The following ADGRL2 variants were observed in gnomAD, a reference collection of about 807,000 sequenced individuals.
The protein encoded by ADGRL2 is adhesion G protein-coupled receptor L2.
In ADGRL2, 44 loss-of-function variants were observed where a neutral mutation model predicts 157.4. That is an observed-to-expected ratio of 0.28 (90% CI 0.22 to 0.36). The LOEUF is 0.36. Ranked by LOEUF, ADGRL2 falls within the 10% of genes least tolerant of loss-of-function variation. The probability of loss-of-function intolerance (pLI) is 1.00; values close to 1 mark genes in which losing one functional copy is unlikely to be tolerated. For synonymous variants in ADGRL2, 585 were observed against 624.7 expected (o/e 0.94, Z 0.95); for missense variants, 1,510 against 1,768.9 (o/e 0.85, Z 2.63).
chr1:81,434,210 C>T, intron 1 of ADGRL2, among the ~76,000 whole-genome samples: 1 of 152,100 alleles, frequency 6.6e-6, no homozygotes, highest in East Asian at 1.9e-4. Flanking sequence ...CCCTGATCTA[C>T]CACAAATACA....
intron 2 of ADGRL2, among the ~76,000 whole-genome samples, chr1:81,541,734 G>A (rs1472776980): frequency 6.6e-6 from 1 of 151,398 alleles, no homozygotes; most frequent in Non-Finnish European, 1.5e-5. Context: ...CAGATCACCT[G>A]AGGTCAGGAG....
intron 1 of ADGRL2, among the ~76,000 whole-genome samples, chr1:81,729,091 A>T (rs1446843491): frequency 2.0e-5 from 3 of 150,112 alleles, no homozygotes; most frequent in Non-Finnish European, 4.4e-5. Context: ...AAGAATTATT[A>T]TATAATATTT....
intron 2 of ADGRL2, among the ~76,000 whole-genome samples, chr1:81,488,011 A>G (rs9425192): frequency 0.15 from 22,273 of 152,220 alleles, 3,026 homozygotes; most frequent in African/African-American, 0.36. Context: ...TTCTAGTCAC[A>G]AAGTGCAGAC....
chr1:81,964,802 AAGAATACAG>A lies in ADGRL2; in HGVS notation c.2018-1254_2018-1246del, dbSNP rs1285842581. On this transcript the variant is annotated intron_variant, in intron 11 of 23. Transcript: ENST00000686636. ...TGGACTGTATTTTTTGAACTTTTTT[AAGAATACAG>A]ATTATTTTTAAAATTTCAATATCAG... Among the ~76,000 whole-genome samples, 10 of 152,226 alleles carry A rather than the reference AAGAATACAG, an allele frequency of 6.6e-5. No individual in the cohort carries two copies. The East Asian group carries it at 1.9e-3, about 29-fold the overall frequency.
Position 81,578,100 on chromosome 1 carries a change from C to T in ADGRL2, c.-247-2776C>T, listed in dbSNP as rs570931219. On this transcript the variant is annotated intron_variant, in intron 2 of 24. Coordinates refer to the ADGRL2 transcript ENST00000370721. The stretch of plus-strand genomic sequence containing the variant: ...AAGCACCATTAAAACCTTGAAATTG[C>T]ACAGTGACTTAGAAAACAACAAGTT... 1.1e-4 allele frequency among the ~76,000 whole-genome samples: 17 copies of T among 152,218 alleles called. No homozygotes were observed. The South Asian group carries it at 3.5e-3, about 32-fold the overall frequency.
At chr1:81,804,587 G>A (rs697984) in intron 1 of ADGRL2, among the ~76,000 whole-genome samples, 145,170 of 152,322 alleles carry the variant, frequency 0.95, 69,537 homozygotes, top group East Asian at 1. Context: ...TAGTTATGTG[G>A]GCCAAAAACA....
intron 2 of ADGRL2, among the ~76,000 whole-genome samples, chr1:81,550,133 G>A (rs2080110994): frequency 6.6e-6 from 1 of 152,142 alleles, no homozygotes; most frequent in African/African-American, 2.4e-5. Flanking sequence ...GAGTATCATA[G>A]GGTAGGATAG....
intron 2 of ADGRL2, among the ~76,000 whole-genome samples, chr1:81,855,249 G>A (rs1025952970): frequency 6.6e-6 from 1 of 151,796 alleles, no homozygotes; most frequent in Non-Finnish European, 1.5e-5. Context: ...GATCAGCCTG[G>A]GTAACATAGA....
chr1:81,322,100 A>ATATG (rs1301733169), intron 1 of ADGRL2, among the ~76,000 whole-genome samples: 12 of 117,960 alleles, frequency 1.0e-4, no homozygotes, highest in Admixed American at 1.9e-4. Context: ...ATATATATAT[A>ATATG]TATATATATA....
At chr1:81,657,429 G>A (rs1213983239) in intron 3 of ADGRL2, among the ~76,000 whole-genome samples, 1 of 152,166 alleles carries the variant, frequency 6.6e-6, no homozygotes, top group Non-Finnish European at 1.5e-5. Context: ...ATGAATTTCT[G>A]TTGTTTATAA....
chr1:81,757,164 G>A (rs9324186), intron 1 of ADGRL2, among the ~76,000 whole-genome samples: 1 of 151,974 alleles, frequency 6.6e-6, no homozygotes, highest in Non-Finnish European at 1.5e-5. Context: ...ATGACCATTT[G>A]CTAGCAAAAC....
rs199665935 is a variant in ADGRL2 at position 81,990,609 on chromosome 1, G to A, written c.3874G>A (p.Glu1292Lys). ...LRGSSKTHNL[E>K]LTLPVKPVIG... The stretch of plus-strand genomic sequence containing the variant: ...GGGCAGCAGCAAGACTCACAACCTC[G>A]AGCTCACGCTACCAGTCAAACCTGT... Residue 1292 changes from glutamate (E) to lysine (K), a missense_variant, in exon 24 of 24, where the codon GAG (glutamate) becomes AAG (lysine). Glu to Lys is a moderately conservative substitution (Grantham distance 56). Around this residue, in one of 4 missense-constraint regions of ADGRL2, gnomAD observed 327 missense variants for 310.1 expected, o/e 1.05. Coordinates refer to ENST00000686636, the MANE Select transcript of ADGRL2 (RefSeq NM_001366006.2). The A allele has an allele frequency of 7.4e-6, 12 of 1,614,098 alleles. No individual in the cohort carries two copies. The East Asian group carries it at 1.1e-4, about 15-fold the overall frequency.
chr1:81,925,461 A>G (rs1379101373), intron 3 of ADGRL2, among the ~76,000 whole-genome samples: 7 of 151,906 alleles, frequency 4.6e-5, no homozygotes, highest in Non-Finnish European at 1.0e-4. Flanking sequence ...ACTGAAAATT[A>G]AGTTTAGTGA....
At chr1:81,434,311 A>G (rs2077372253) in intron 1 of ADGRL2, among the ~76,000 whole-genome samples, 1 of 152,202 alleles carries the variant, frequency 6.6e-6, no homozygotes, top group South Asian at 2.1e-4. Flanking sequence ...TGTATTTTCA[A>G]TGAAAGTTAC....
At chr1:81,911,287 A>G (rs2094715247) in intron 3 of ADGRL2, among the ~76,000 whole-genome samples, 1 of 152,142 alleles carries the variant, frequency 6.6e-6, no homozygotes, top group Non-Finnish European at 1.5e-5. Context: ...TAGAACAGTC[A>G]CCATTTAGTA....
At chr1:81,784,628 T>C (rs1238174852) in intron 2 of ADGRL2, among the ~76,000 whole-genome samples, 2 of 150,730 alleles carry the variant, frequency 1.3e-5, no homozygotes, top group Non-Finnish European at 2.9e-5. Flanking sequence ...TTCCGGAGGC[T>C]GAGGCACGAG....
At chr1:81,592,878 G>A (rs1021977605) in intron 3 of ADGRL2, among the ~76,000 whole-genome samples, 2 of 151,984 alleles carry the variant, frequency 1.3e-5, no homozygotes, top group African/African-American at 2.4e-5. Context: ...CTGCCTGGGC[G>A]GGGGAATGGC....
chr1:81,369,759 A>G (rs531338571), intron 1 of ADGRL2, among the ~76,000 whole-genome samples: 1 of 152,236 alleles, frequency 6.6e-6, no homozygotes, highest in Non-Finnish European at 1.5e-5. Context: ...ATGTTACATA[A>G]AACAAGGCAT....
At chr1:81,686,365 G>A (rs1405192876) in intron 3 of ADGRL2, among the ~76,000 whole-genome samples, 2 of 152,020 alleles carry the variant, frequency 1.3e-5, no homozygotes, top group African/African-American at 2.4e-5. Flanking sequence ...TAAGCTAGGA[G>A]GGTTGTATTT....
Sources: allele counts gnomAD v4.1 joint callset (sites outside exome capture counted in the v4.1 genomes callset), GRCh38; gene constraint gnomAD v4.1.1; regional missense constraint gnomAD v4.1.1; transcripts MANE v1.5; gene names NCBI Gene and HGNC (gene_info 2026-07-23, HGNC 2026-07-21).